Variants in KCNQ5 observed in about 807,000 individuals in gnomAD.
The protein encoded by KCNQ5 is potassium voltage-gated channel subfamily KQT member 5.
In KCNQ5, 30 loss-of-function variants were observed where a neutral mutation model predicts 98.2. The observed-to-expected ratio is 0.31, with a 90% CI of 0.23 to 0.41. The LOEUF is 0.41. Among genes scored for constraint, KCNQ5 ranks in the 10% least tolerant of loss-of-function variants. The pLI is 1.00. For missense variants in KCNQ5, 835 were observed against 1,182.5 expected (o/e 0.71, Z 4.31); for synonymous variants, 458 against 449.4 (o/e 1.02, Z -0.24).
chr6:72,687,884 G>A (rs1340813776), intron 1 of KCNQ5, among the ~76,000 whole-genome samples: 1 of 149,486 alleles, frequency 6.7e-6, no homozygotes, highest in Non-Finnish European at 1.5e-5. Flanking sequence ...TGTCGCCCAG[G>A]CTGGAGTGCA....
chr6:73,081,438 T>A (rs1315738789), intron 5 of KCNQ5, among the ~76,000 whole-genome samples: 1 of 152,224 alleles, frequency 6.6e-6, no homozygotes, highest in Non-Finnish European at 1.5e-5. Context: ...AAATCCTTCC[T>A]GTTTTGTGGG....
Position 72,754,080 on chromosome 6 carries a change from A to G in KCNQ5, c.398+131493A>G, listed in dbSNP as rs578120223. ...ATTATGATGTTAAATAGGAATAATG[A>G]GAGCATTCTTGCCATATTCCTGGTC... is the stretch of plus-strand genomic sequence containing the variant. On this transcript the variant is annotated intron_variant, in intron 1 of 13. Transcript: ENST00000370398. Among the ~76,000 whole-genome samples, 12 of 152,244 alleles carry G rather than the reference A, an allele frequency of 7.9e-5. No individual in the cohort carries two copies. In the South Asian group the frequency reaches 2.5e-3, roughly 32 times the overall value.
chr6:72,899,814 C>T (rs963875260), intron 1 of KCNQ5, among the ~76,000 whole-genome samples: 4 of 151,914 alleles, frequency 2.6e-5, no homozygotes, highest in Non-Finnish European at 5.9e-5. Flanking sequence ...CCACCCTTCA[C>T]CCCAAGTCCC....
At chr6:72,758,278 T>C (rs1418239588) in intron 1 of KCNQ5, among the ~76,000 whole-genome samples, 5 of 152,134 alleles carry the variant, frequency 3.3e-5, no homozygotes, top group African/African-American at 9.7e-5. Flanking sequence ...ACTTAAATCT[T>C]CCCAGCCCTC....
chr6:72,860,469 A>G (rs1777718488), intron 1 of KCNQ5, among the ~76,000 whole-genome samples: 1 of 152,180 alleles, frequency 6.6e-6, no homozygotes, highest in East Asian at 1.9e-4. Context: ...CCTAGGCTTC[A>G]GTTTCCTCAT....
chr6:73,074,476 T>C (rs924291198), intron 3 of KCNQ5, among the ~76,000 whole-genome samples: 2 of 152,224 alleles, frequency 1.3e-5, no homozygotes, highest in Non-Finnish European at 2.9e-5. Context: ...CCTTTGCATA[T>C]TTTGGAACTT....
intron 2 of KCNQ5, among the ~76,000 whole-genome samples, chr6:73,020,302 G>A (rs144292746): frequency 1.4e-4 from 22 of 151,900 alleles, no homozygotes; most frequent in African/African-American, 4.6e-4. Context: ...CTTCTCCTTG[G>A]GCTCAATTAA....
chr6:73,155,339 GC>G (rs763116857), intron 10 of KCNQ5, among the ~76,000 whole-genome samples: 18 of 152,206 alleles, frequency 1.2e-4, no homozygotes, highest in Non-Finnish European at 2.2e-4. Flanking sequence ...TATTGTTAGT[GC>G]CCCATGCATA....
At chr6:73,054,278 T>C (rs903231930) in intron 3 of KCNQ5, among the ~76,000 whole-genome samples, 2 of 152,176 alleles carry the variant, frequency 1.3e-5, no homozygotes, top group Non-Finnish European at 2.9e-5. Flanking sequence ...AAAGAAGAGC[T>C]GGTACCATTC....
At chr6:72,970,932 G>A (rs907830945) in intron 1 of KCNQ5, among the ~76,000 whole-genome samples, 2 of 152,212 alleles carry the variant, frequency 1.3e-5, no homozygotes, top group Non-Finnish European at 2.9e-5. Flanking sequence ...TCAGGGCATA[G>A]GCATGGGCAA....
chr6:72,787,266 A>G (rs140231496), intron 1 of KCNQ5, among the ~76,000 whole-genome samples: 1 of 152,314 alleles, frequency 6.6e-6, no homozygotes, highest in African/African-American at 2.4e-5. Flanking sequence ...GTCTATAAAT[A>G]AAGTTTTACT....
chr6:72,914,348 G>T (rs1780050714), intron 1 of KCNQ5, among the ~76,000 whole-genome samples: 2 of 151,758 alleles, frequency 1.3e-5, no homozygotes, highest in Admixed American at 6.6e-5. Context: ...AAGGATACAT[G>T]GGCTTATTTT....
At chr6:72,676,816 C>A (rs979518160) in intron 1 of KCNQ5, among the ~76,000 whole-genome samples, 15 of 149,788 alleles carry the variant, frequency 1.0e-4, no homozygotes, top group Non-Finnish European at 1.6e-4. Flanking sequence ...TATTTTCCTT[C>A]AAAAAAGGCT....
At chr6:72,947,296 A>C (rs949007553) in intron 1 of KCNQ5, among the ~76,000 whole-genome samples, 2 of 152,130 alleles carry the variant, frequency 1.3e-5, no homozygotes, top group African/African-American at 4.8e-5. Flanking sequence ...GCAGTTTTTA[A>C]TTTACTCTTT....
chr6:72,694,130 T>C (rs939220370), intron 1 of KCNQ5, among the ~76,000 whole-genome samples: 10 of 152,212 alleles, frequency 6.6e-5, no homozygotes, highest in Non-Finnish European at 1.2e-4. Flanking sequence ...TAAGAAATTA[T>C]ACATTTTTTG....
At chr6:72,995,494 C>T (rs1380703979) in intron 1 of KCNQ5, among the ~76,000 whole-genome samples, 2 of 151,912 alleles carry the variant, frequency 1.3e-5, no homozygotes, top group Non-Finnish European at 2.9e-5. Flanking sequence ...CAGATTGCTA[C>T]ATCAGGGGAA....
intron 1 of KCNQ5, among the ~76,000 whole-genome samples, chr6:72,782,246 C>G (rs1487354514): frequency 1.4e-5 from 2 of 143,524 alleles, no homozygotes; most frequent in Non-Finnish European, 3.2e-5. Context: ...TATGCACCCT[C>G]TCTCTCTCTC....
intron 2 of KCNQ5, among the ~76,000 whole-genome samples, chr6:73,016,838 C>T (rs1450476776): frequency 6.6e-6 from 1 of 152,124 alleles, no homozygotes; most frequent in African/African-American, 2.4e-5. Context: ...TCAGTTACTA[C>T]ATAGCTGCAG....
intron 1 of KCNQ5, among the ~76,000 whole-genome samples, chr6:72,627,860 T>A (rs1002105800): frequency 2.6e-4 from 40 of 152,210 alleles, no homozygotes; most frequent in Admixed American, 9.2e-4. Context: ...TCCTAATGTT[T>A]CTTCAAAGTA....
Sources: allele counts gnomAD v4.1 joint callset (sites outside exome capture counted in the v4.1 genomes callset), GRCh38; gene constraint gnomAD v4.1.1; transcripts MANE v1.5; gene names NCBI Gene and HGNC (gene_info 2026-07-23, HGNC 2026-07-21).